The following RABGAP1L variants were observed in gnomAD, a reference collection of about 807,000 sequenced individuals.
The protein encoded by RABGAP1L is RAB GTPase activating protein 1 like, also known as rab GTPase-activating protein 1-like.
A neutral mutation model predicts 137.7 loss-of-function variants in RABGAP1L; 63 were observed. That is an observed-to-expected ratio of 0.46 (90% confidence interval 0.37 to 0.56). The LOEUF is 0.56. Ranked by LOEUF, RABGAP1L falls within the 20% of genes least tolerant of loss-of-function variation. The probability of loss-of-function intolerance (pLI) is 0.00; values close to 1 mark genes in which losing one functional copy is unlikely to be tolerated. For synonymous variants in RABGAP1L, 431 were observed against 433.7 expected, an observed-to-expected ratio of 0.99 and a Z score of 0.08; for missense variants, 1,095 against 1,244.0, an observed-to-expected ratio of 0.88 and a Z score of 1.80.
intron 19 of RABGAP1L, among the ~76,000 whole-genome samples, chr1:174,867,314 G>A (rs975032759): frequency 4.0e-5 from 6 of 151,868 alleles, no homozygotes. Flanking sequence ...CCGGGAGGTG[G>A]AGGTTGCAGT....
chr1:174,747,733 C>T (rs1052236782), intron 17 of RABGAP1L, among the ~76,000 whole-genome samples: 2 of 152,100 alleles, frequency 1.3e-5, no homozygotes, highest in Non-Finnish European at 1.5e-5. Flanking sequence ...TTCTTAAGCA[C>T]AGTATTATAA....
chr1:174,511,112 A>G (rs1662290697), intron 13 of RABGAP1L, among the ~76,000 whole-genome samples: 1 of 152,210 alleles, frequency 6.6e-6, no homozygotes, highest in African/African-American at 2.4e-5. Context: ...TCAGGTTTGA[A>G]TAGATGTTTG....
At chr1:174,495,388 A>C (rs1660652207) in intron 13 of RABGAP1L, among the ~76,000 whole-genome samples, 1 of 152,152 alleles carries the variant, frequency 6.6e-6, no homozygotes, top group Non-Finnish European at 1.5e-5. Flanking sequence ...TCACCTATGG[A>C]ATCATCTGCA....
intron 1 of RABGAP1L, among the ~76,000 whole-genome samples, chr1:174,191,900 C>T (rs918689829): frequency 6.6e-6 from 1 of 152,104 alleles, no homozygotes; most frequent in Admixed American, 6.5e-5. Context: ...AATACATCTA[C>T]ATTAATCAGT....
intron 18 of RABGAP1L, among the ~76,000 whole-genome samples, chr1:174,786,105 G>GTCCTCCTCTAC (rs1401242484): frequency 1.3e-5 from 2 of 152,204 alleles, no homozygotes; most frequent in Non-Finnish European, 2.9e-5. Context: ...ACTTGTAGAG[G>GTCCTCCTCTAC]AGGAGTGTGG....
chr1:174,708,565 G>A (rs1466973398), intron 17 of RABGAP1L, among the ~76,000 whole-genome samples: 1 of 152,168 alleles, frequency 6.6e-6, no homozygotes, highest in Non-Finnish European at 1.5e-5. Flanking sequence ...TCCCCTAGCT[G>A]AGGGAAGCTG....
intron 11 of RABGAP1L, among the ~76,000 whole-genome samples, chr1:174,369,061 G>T (rs1204471836): frequency 6.6e-6 from 1 of 152,202 alleles, no homozygotes; most frequent in Non-Finnish European, 1.5e-5. Flanking sequence ...TAGAGTATTA[G>T]ATGGGATGAT....
chr1:174,513,972 C>G (rs1306821677), intron 13 of RABGAP1L, among the ~76,000 whole-genome samples: 4 of 151,958 alleles, frequency 2.6e-5, no homozygotes. Flanking sequence ...TCATGAAAGT[C>G]AAGAGGAGAG....
chr1:174,533,130 A>C (rs1242269461), intron 13 of RABGAP1L, among the ~76,000 whole-genome samples: 1 of 152,210 alleles, frequency 6.6e-6, no homozygotes, highest in African/African-American at 2.4e-5. Flanking sequence ...CCTAGTCGGG[A>C]GACTGAGGCA....
At chr1:174,678,561 C>G (rs762654261) in intron 14 of RABGAP1L, among the ~76,000 whole-genome samples, 3 of 151,934 alleles carry the variant, frequency 2.0e-5, no homozygotes, top group Non-Finnish European at 4.4e-5. Context: ...ATTTGAAAAT[C>G]GATATATTTT....
intron 6 of RABGAP1L, 67 bp from the exon 7 acceptor site, chr1:174,252,413 C>G (rs1404780599): frequency 6.4e-7 from 1 of 1,568,806 alleles, no homozygotes; most frequent in Non-Finnish European, 8.6e-7. Context: ...TTGTTCTAAC[C>G]TTGGAATAGG....
At chr1:174,830,638 G>A (rs1003556396) in intron 19 of RABGAP1L, among the ~76,000 whole-genome samples, 3 of 146,810 alleles carry the variant, frequency 2.0e-5, no homozygotes, top group Non-Finnish European at 3.0e-5. Flanking sequence ...CACCATGCCT[G>A]GCCAATTTTT....
At chr1:174,443,185 G>A (rs138905401) in intron 13 of RABGAP1L, among the ~76,000 whole-genome samples, 77 of 152,136 alleles carry the variant, frequency 5.1e-4, no homozygotes, top group Middle Eastern at 6.8e-3. Flanking sequence ...TAACATGGTA[G>A]TGCATTTATC....
intron 13 of RABGAP1L, among the ~76,000 whole-genome samples, chr1:174,542,235 G>C (rs149880846): frequency 0.035 from 5,289 of 152,122 alleles, 121 homozygotes; most frequent in Middle Eastern, 0.089. Flanking sequence ...GACTTTTTTT[G>C]GTTGGTAAGC....
intron 19 of RABGAP1L, among the ~76,000 whole-genome samples, chr1:174,837,840 C>A (rs1214663381): frequency 6.6e-6 from 1 of 152,020 alleles, no homozygotes; most frequent in Non-Finnish European, 1.5e-5. Flanking sequence ...TATGAGCAGA[C>A]CTAAATTCAG....
At chr1:174,445,746 T>C (rs559011627) in intron 13 of RABGAP1L, among the ~76,000 whole-genome samples, 6 of 152,346 alleles carry the variant, frequency 3.9e-5, no homozygotes, top group Non-Finnish European at 5.9e-5. Context: ...GCTGACTTTT[T>C]AGTGTCATAG....
intron 11 of RABGAP1L, among the ~76,000 whole-genome samples, chr1:174,327,986 CATATATATATATATAT>C (rs3057021): frequency 1.5e-4 from 8 of 53,650 alleles, no homozygotes; most frequent in South Asian, 6.0e-4. Flanking sequence ...TATACACACA[CATATATATATATATAT>C]ATATATATAT....
chr1:174,909,632 C>A (rs181512813), intron 19 of RABGAP1L, among the ~76,000 whole-genome samples: 6 of 151,964 alleles, frequency 3.9e-5, no homozygotes, highest in Non-Finnish European at 5.9e-5. Flanking sequence ...AAGTTAAAAT[C>A]GAAACTTTAG....
intron 13 of RABGAP1L, among the ~76,000 whole-genome samples, chr1:174,552,263 C>T (rs1666595744): frequency 6.6e-6 from 1 of 151,990 alleles, no homozygotes; most frequent in Non-Finnish European, 1.5e-5. Flanking sequence ...TATTTCATCA[C>T]CCAGGTATTA....
Sources: allele counts gnomAD v4.1 joint callset (sites outside exome capture counted in the v4.1 genomes callset), GRCh38; gene constraint gnomAD v4.1.1; transcripts MANE v1.5; gene names NCBI Gene and HGNC (gene_info 2026-07-23, HGNC 2026-07-21).